Variants in ERI1 observed in about 807,000 individuals in gnomAD.
ERI1 encodes 3'-5' exoribonuclease 1.
Under a neutral mutation model 39.7 loss-of-function variants are expected in ERI1, and 39 were observed. The ratio of observed to expected loss-of-function variants is 0.98; its 90% CI spans 0.76 to 1.28. ERI1 has a LOEUF of 1.28. Ranked by LOEUF, ERI1 falls within the 50% of genes most tolerant of loss-of-function variation. ERI1 has a pLI of 0.00. For synonymous variants in ERI1, 204 were observed against 149.6 expected, an observed-to-expected ratio of 1.36 and a Z score of -2.65; for missense variants, 581 against 416.9, an observed-to-expected ratio of 1.39 and a Z score of -3.43.
chr8:9,011,436 A>G, intron 2 of ERI1, 106 bp from the exon 3 acceptor site: 1 of 611,486 alleles, frequency 1.6e-6, no homozygotes, highest in Middle Eastern at 4.6e-4. Flanking sequence ...GCATTTGCTA[A>G]ATTTCGCTGT....
chr8:9,037,377 G>A (rs1177371207), downstream of ERI1, among the ~76,000 whole-genome samples: 2 of 152,152 alleles, frequency 1.3e-5, no homozygotes, highest in Non-Finnish European at 2.9e-5. Flanking sequence ...TGTGATTTCA[G>A]CCTTCTTCCC....
chr8:9,049,396 GA>G (rs11398414), intron 3 of ERI1, among the ~76,000 whole-genome samples: 2,639 of 129,160 alleles, frequency 0.02, 44 homozygotes, highest in South Asian at 0.077. Flanking sequence ...AATTAATGGT[GA>G]AAAAAAAATG....
chr8:9,050,714 G>A (rs1488048143), intron 3 of ERI1, among the ~76,000 whole-genome samples: 3 of 152,152 alleles, frequency 2.0e-5, no homozygotes, highest in Admixed American at 6.5e-5. Flanking sequence ...GTTACGGAAG[G>A]AATGGAGAAG....
intron 5 of ERI1, among the ~76,000 whole-genome samples, chr8:9,019,870 A>G (rs1471336780): frequency 1.3e-5 from 2 of 152,224 alleles, no homozygotes; most frequent in Non-Finnish European, 2.9e-5. Context: ...CAATTTCCAT[A>G]TTACACAATC....
At chr8:9,035,441 T>C (rs1413732740), downstream of ERI1, among the ~76,000 whole-genome samples, 2 of 152,304 alleles carry the variant, frequency 1.3e-5, no homozygotes, top group South Asian at 4.1e-4. Context: ...AGGGCCCTTA[T>C]GCTAAATCTA....
downstream of ERI1, among the ~76,000 whole-genome samples, chr8:9,037,760 A>G (rs374846588): frequency 2.0e-5 from 3 of 152,048 alleles, no homozygotes; most frequent in Non-Finnish European, 4.4e-5. Flanking sequence ...CCATAAATAA[A>G]TTTTTAGAGG....
intron 1 of ERI1, among the ~76,000 whole-genome samples, chr8:9,005,527 T>G (rs1198681764): frequency 6.6e-6 from 1 of 150,764 alleles, no homozygotes; most frequent in Non-Finnish European, 1.5e-5. Flanking sequence ...TTTTTTTTTT[T>G]TTTTTGAGAG....
intron 5 of ERI1, among the ~76,000 whole-genome samples, chr8:9,019,265 A>G (rs995635841): frequency 6.6e-6 from 1 of 152,202 alleles, no homozygotes; most frequent in African/African-American, 2.4e-5. Context: ...TCTGTTTCAA[A>G]CTGTGCAGGT....
intron 3 of ERI1, among the ~76,000 whole-genome samples, chr8:9,038,975 A>T (rs1797937731): frequency 6.6e-6 from 1 of 152,200 alleles, no homozygotes; most frequent in Admixed American, 6.5e-5. Context: ...TGTGATGATA[A>T]ATCATTCTTC....
At chr8:9,034,812 C>G (rs1429579263), downstream of ERI1, among the ~76,000 whole-genome samples, 1 of 152,132 alleles carries the variant, frequency 6.6e-6, no homozygotes, top group Admixed American at 6.6e-5. Flanking sequence ...GGGCTGAAAG[C>G]TATGCCTTTT....
intron 6 of ERI1, among the ~76,000 whole-genome samples, chr8:9,026,784 A>C (rs1797196059): frequency 1.3e-5 from 2 of 152,158 alleles, no homozygotes; most frequent in African/African-American, 4.8e-5. Flanking sequence ...ATATTTCAAA[A>C]TCCAAAAAAT....
intron 3 of ERI1, among the ~76,000 whole-genome samples, chr8:9,081,087 G>A (rs1286751094): frequency 6.6e-6 from 1 of 152,192 alleles, no homozygotes; most frequent in Non-Finnish European, 1.5e-5. Context: ...GTCTTACATG[G>A]CAGCAGGTGA....
rs149839132 is a variant in ERI1 at position 9,016,422 on chromosome 8, C to T, written c.582+17C>T. 5.8e-5 allele frequency: 87 copies of T among 1,510,136 alleles called. No homozygotes were observed. The African/African-American group carries it at 1.0e-3, about 18-fold the overall frequency. The allele number at this position is 1,510,136 out of a possible 1,614,324, so 93.5% of individuals were successfully genotyped here. ...ATTACTCAGGTTATAATTCTAAGTT[C>T]TTCTTTCTAGAGTTTGAAAGAGTTC... On this transcript the variant is annotated intron_variant, in intron 4 of 6. Coordinates refer to ENST00000250263, the MANE Select transcript of ERI1 (RefSeq NM_153332.4).
chr8:9,028,057 A>T (rs1348786914), intron 6 of ERI1, among the ~76,000 whole-genome samples: 2 of 152,190 alleles, frequency 1.3e-5, no homozygotes, highest in East Asian at 3.8e-4. Context: ...GGTCTTTGTC[A>T]GGCTTTTGTA....
intron 3 of ERI1, among the ~76,000 whole-genome samples, chr8:9,061,677 G>A (rs951573516): frequency 1.3e-5 from 2 of 152,192 alleles, no homozygotes; most frequent in African/African-American, 4.8e-5. Context: ...AAGGGATTGA[G>A]GTTTGGGAGA....
In ERI1 at chr8:9,030,461, T is replaced by C. The variant is rs113462617; in HGVS notation, c.*427T>C. ...AGAAATGATTGGAAGGTAGATCTTA[T>C]CTAGCCTTTGGATTTCAAGAATATC... On this transcript the variant is annotated 3_prime_UTR_variant, in exon 7 of 7. Coordinates refer to ENST00000250263, the MANE Select transcript of ERI1 (RefSeq NM_153332.4). The C allele has an allele frequency of 5.9e-6, 1 of 169,566 alleles. No homozygotes were observed. Among genetic ancestry groups the C allele is most frequent in the African/African-American group, 2.4e-5 (1 of 41,996 alleles). The allele number at this position is 169,566 out of a possible 1,614,324, so 10.5% of individuals were successfully genotyped here. A position where few individuals can be genotyped will look rare whatever the true frequency, so the allele number is the denominator to read the frequency against.
In ERI1 at chr8:9,003,039, A is replaced by T. The variant is rs1250006583; in HGVS notation, c.-25A>T. The T allele has an allele frequency of 8.1e-7, 1 of 1,232,466 alleles. No homozygotes were observed. The highest frequency in any genetic ancestry group is 1.0e-6 in the Non-Finnish European group (1 of 975,256). 76.3% of individuals were successfully genotyped at this position (1,232,466 alleles called of 1,614,324 possible). On this transcript the variant is annotated 5_prime_UTR_variant, in exon 1 of 7. Transcript: ENST00000250263. ...AGTTAGCAAGTGTCCGGCTCCAGCA[A>T]CTCTCCTCTGGCGTGACAGCCGGCA...
At chr8:9,041,822 C>T (rs1440950300) in intron 3 of ERI1, among the ~76,000 whole-genome samples, 1 of 152,184 alleles carries the variant, frequency 6.6e-6, no homozygotes, top group African/African-American at 2.4e-5. Context: ...TCAACCTCTG[C>T]CTCCCGGGTT....
intron 2 of ERI1, 23 bp downstream of exon 2, chr8:9,008,171 A>G (rs1563308730): frequency 6.6e-7 from 1 of 1,513,504 alleles, no homozygotes. Flanking sequence ...AACTTATAAA[A>G]TTATAAAAGT....
Sources: gnomAD v4.1 joint callset for allele counts (sites outside exome capture counted in the v4.1 genomes callset) on GRCh38, gnomAD v4.1.1 for gene constraint, MANE v1.5 for transcripts, NCBI Gene and HGNC (gene_info 2026-07-23, HGNC 2026-07-21) for gene names.